The following TNKS variants were observed in gnomAD, a reference collection of about 807,000 sequenced individuals.
The protein encoded by TNKS is tankyrase.
TNKS carries 72 observed loss-of-function variants against 135.8 expected under a neutral mutation model. That is an observed-to-expected ratio of 0.53 (90% CI 0.44 to 0.64). TNKS has a LOEUF of 0.64. TNKS is among the 30% of genes least tolerant of loss of function. TNKS has a pLI of 0.00. For synonymous variants in TNKS, 849 were observed against 649.3 expected, an observed-to-expected ratio of 1.31 and a Z score of -4.68; for missense variants, 1,769 against 1,674.0, an observed-to-expected ratio of 1.06 and a Z score of -0.99.
At chr8:9,644,073 C>G (rs570443979) in intron 3 of TNKS, among the ~76,000 whole-genome samples, 14 of 152,090 alleles carry the variant, frequency 9.2e-5, no homozygotes, top group Non-Finnish European at 1.9e-4. Flanking sequence ...AATAGCCAAA[C>G]TCAGAGACAG....
chr8:9,700,925 T>C (rs1265186772), intron 5 of TNKS, among the ~76,000 whole-genome samples: 2 of 131,770 alleles, frequency 1.5e-5, no homozygotes, highest in African/African-American at 2.8e-5. Context: ...ATTTTTCTTA[T>C]GTTTTGCCCC....
At chr8:9,650,848 T>C (rs140678709) in intron 3 of TNKS, among the ~76,000 whole-genome samples, 6,782 of 152,332 alleles carry the variant, frequency 0.045, 207 homozygotes, top group South Asian at 0.068. Context: ...ATTTTTGTTT[T>C]AGTTGCATTT....
At chr8:9,592,538 A>T (rs1182149968) in intron 2 of TNKS, among the ~76,000 whole-genome samples, 2 of 152,184 alleles carry the variant, frequency 1.3e-5, no homozygotes, top group African/African-American at 4.8e-5. Flanking sequence ...ACTTTCTAAC[A>T]CAGCCACAGG....
At chr8:9,621,034 C>T (rs566232101) in intron 3 of TNKS, among the ~76,000 whole-genome samples, 2 of 152,176 alleles carry the variant, frequency 1.3e-5, no homozygotes, top group Non-Finnish European at 2.9e-5. Context: ...TACTCATTAA[C>T]CATTAATTAT....
chr8:9,580,133 C>G (rs908838849), intron 1 of TNKS, 26 bp from the exon 2 acceptor site: 8 of 1,591,192 alleles, frequency 5.0e-6, no homozygotes, highest in African/African-American at 1.3e-5. Flanking sequence ...AATATATATA[C>G]AAGACATTTT....
chr8:9,662,886 T>A (rs1181450167), intron 3 of TNKS, among the ~76,000 whole-genome samples: 1 of 152,228 alleles, frequency 6.6e-6, no homozygotes, highest in Non-Finnish European at 1.5e-5. Flanking sequence ...CCCATAGATG[T>A]CAACATACTA....
intron 1 of TNKS, among the ~76,000 whole-genome samples, chr8:9,576,344 A>T (rs1045610260): frequency 6.6e-6 from 1 of 152,138 alleles, no homozygotes; most frequent in Non-Finnish European, 1.5e-5. Context: ...TGCAGGCTGT[A>T]CAGGAAACAT....
chr8:9,649,234 GA>G (rs1801040403), intron 3 of TNKS, among the ~76,000 whole-genome samples: 1 of 152,160 alleles, frequency 6.6e-6, no homozygotes, highest in Admixed American at 6.5e-5. Context: ...ATAGGAAGAA[GA>G]AAAAGTTTTG....
At chr8:9,751,207 CTAAAT>C (rs1422852813) in intron 18 of TNKS, among the ~76,000 whole-genome samples, 2 of 152,164 alleles carry the variant, frequency 1.3e-5, no homozygotes, top group African/African-American at 4.8e-5. Context: ...AATAAATGAG[CTAAAT>C]TAAAGTGTCA....
At chr8:9,699,238 G>A (rs185975336) in intron 5 of TNKS, among the ~76,000 whole-genome samples, 1 of 152,290 alleles carries the variant, frequency 6.6e-6, no homozygotes, top group East Asian at 1.9e-4. Context: ...AATTATCCTA[G>A]CAATTAGAAA....
intron 12 of TNKS, 95 bp from the exon 13 acceptor site, chr8:9,726,546 C>T (rs1197980391): frequency 3.6e-5 from 30 of 828,284 alleles, no homozygotes; most frequent in Non-Finnish European, 5.5e-5. Flanking sequence ...AACTACTTTG[C>T]AATCCCTCAA....
chr8:9,748,268 C>G (rs1247530845), intron 18 of TNKS, 56 bp downstream of exon 18: 7 of 1,333,388 alleles, frequency 5.2e-6, no homozygotes, highest in Non-Finnish European at 6.8e-6. Flanking sequence ...CAGATGACAT[C>G]AGATTCTCGG....
At chr8:9,687,773 G>A (rs1803076072) in intron 5 of TNKS, among the ~76,000 whole-genome samples, 1 of 152,182 alleles carries the variant, frequency 6.6e-6, no homozygotes, top group Non-Finnish European at 1.5e-5. Flanking sequence ...GACTGCTCAA[G>A]GGACCGGAAG....
chr8:9,662,618 A>T (rs1339889245), intron 3 of TNKS, among the ~76,000 whole-genome samples: 1 of 152,158 alleles, frequency 6.6e-6, no homozygotes, highest in African/African-American at 2.4e-5. Context: ...GGGGGAAGGG[A>T]TAGCATTAGG....
intron 3 of TNKS, among the ~76,000 whole-genome samples, chr8:9,672,722 A>AAAC (rs1563158561): frequency 8.2e-5 from 12 of 146,064 alleles, no homozygotes; most frequent in South Asian, 6.4e-4. Context: ...AAAAAAAAAA[A>AAAC]AACAAACTAA....
intron 3 of TNKS, among the ~76,000 whole-genome samples, chr8:9,661,171 T>C (rs1272426189): frequency 2.0e-5 from 3 of 151,930 alleles, no homozygotes; most frequent in Admixed American, 1.3e-4. Context: ...AGGTAATTTC[T>C]AGATTCAATG....
At chr8:9,657,310 A>C (rs1464082152) in intron 3 of TNKS, among the ~76,000 whole-genome samples, 1 of 47,300 alleles carries the variant, frequency 2.1e-5, no homozygotes, top group Admixed American at 2.0e-4. Context: ...CGACCCCCCC[A>C]CCTCCCTCCC....
intron 2 of TNKS, among the ~76,000 whole-genome samples, chr8:9,610,408 A>G (rs1799414585): frequency 6.6e-6 from 1 of 151,702 alleles, no homozygotes; most frequent in Non-Finnish European, 1.5e-5. Flanking sequence ...ATATAATATT[A>G]TACCATTTTA....
chr8:9,618,609 C>A (rs921038103), intron 3 of TNKS, among the ~76,000 whole-genome samples: 1 of 152,052 alleles, frequency 6.6e-6, no homozygotes, highest in Non-Finnish European at 1.5e-5. Context: ...TATGAAAAGT[C>A]AAAAACAGCC....
Sources: allele counts gnomAD v4.1 joint callset (sites outside exome capture counted in the v4.1 genomes callset), GRCh38; gene constraint gnomAD v4.1.1; transcripts MANE v1.5; gene names NCBI Gene and HGNC (gene_info 2026-07-23, HGNC 2026-07-21).